LRRC49: variants seen among roughly 807,000 people sequenced by gnomAD.
The protein encoded by LRRC49 is leucine-rich repeat-containing protein 49.
Under a neutral mutation model 83.3 loss-of-function variants are expected in LRRC49, and 50 were observed. The ratio of observed to expected loss-of-function variants is 0.60; its 90% CI spans 0.48 to 0.76. The LOEUF (loss-of-function observed/expected upper bound fraction) is 0.76, where lower values mean the gene tolerates loss of function less well. Ranked by LOEUF, LRRC49 falls within the 30% of genes least tolerant of loss-of-function variation. LRRC49 has a pLI of 0.00. For missense variants in LRRC49, 704 were observed against 809.1 expected, an observed-to-expected ratio of 0.87 and a Z score of 1.58; for synonymous variants, 286 against 283.3, an observed-to-expected ratio of 1.01 and a Z score of -0.10.
intron 15 of LRRC49, among the ~76,000 whole-genome samples, chr15:71,043,201 A>T (rs1339764242): frequency 1.3e-5 from 2 of 152,178 alleles, no homozygotes; most frequent in Non-Finnish European, 2.9e-5. Context: ...ATCTCTATAG[A>T]CCTTGTTTCC....
At chr15:70,883,786 C>A (rs1225717578) in intron 2 of LRRC49, among the ~76,000 whole-genome samples, 1 of 151,878 alleles carries the variant, frequency 6.6e-6, no homozygotes, top group African/African-American at 2.4e-5. Context: ...TCCCAAGTAG[C>A]TGGGATTACA....
At chr15:70,889,069 T>C (rs911071863), upstream of LRRC49, among the ~76,000 whole-genome samples, 1 of 152,202 alleles carries the variant, frequency 6.6e-6, no homozygotes, top group Non-Finnish European at 1.5e-5. Flanking sequence ...TGTAATACTA[T>C]GACCCAGCAA....
chr15:70,876,232 T>C (rs2033148978), intron 2 of LRRC49, among the ~76,000 whole-genome samples: 1 of 152,242 alleles, frequency 6.6e-6, no homozygotes, highest in Non-Finnish European at 1.5e-5. Context: ...GAGAAACACA[T>C]CTGCTTTCCT....
At chr15:70,893,662 A>G (rs16954987) in intron 2 of LRRC49, 22 bp downstream of exon 2, 1 of 1,584,370 alleles carries the variant, frequency 6.3e-7, no homozygotes, top group African/African-American at 1.3e-5. Context: ...GAAGGTTGGC[A>G]TTTAAATTGA....
chr15:71,004,210 C>T (rs2038371072), intron 11 of LRRC49, among the ~76,000 whole-genome samples: 1 of 152,112 alleles, frequency 6.6e-6, no homozygotes, highest in African/African-American at 2.4e-5. Context: ...AATGTTCCTG[C>T]CCTGTATTTT....
At chr15:70,889,578 T>C (rs1477814711), upstream of LRRC49, among the ~76,000 whole-genome samples, 1 of 152,144 alleles carries the variant, frequency 6.6e-6, no homozygotes, top group Non-Finnish European at 1.5e-5. Flanking sequence ...ATTTAAAAAA[T>C]TCAGTTGGGT....
At chr15:70,861,388 C>T (rs2032784385) in intron 1 of LRRC49, among the ~76,000 whole-genome samples, 3 of 151,794 alleles carry the variant, frequency 2.0e-5, no homozygotes, top group Non-Finnish European at 4.4e-5. Context: ...AGCATAGGAG[C>T]TCGTGTTCTA....
chr15:70,984,471 A>G, intron 11 of LRRC49: 2 of 417,248 alleles, frequency 4.8e-6, no homozygotes, highest in East Asian at 4.1e-5. Context: ...TATTTTTTAT[A>G]GGGAAAAGTC....
intron 14 of LRRC49, among the ~76,000 whole-genome samples, chr15:71,023,322 T>C (rs2039051582): frequency 6.6e-6 from 1 of 152,178 alleles, no homozygotes; most frequent in African/African-American, 2.4e-5. Flanking sequence ...AAGCTGATTA[T>C]GTGAAAAGAC....
chr15:71,019,386 A>G (rs1035025291), intron 14 of LRRC49, among the ~76,000 whole-genome samples: 1 of 152,218 alleles, frequency 6.6e-6, no homozygotes, highest in Admixed American at 6.5e-5. Flanking sequence ...TTGCCAGGAA[A>G]TGGGAATGGA....
At chr15:70,902,186 G>A (rs2034113794) in intron 4 of LRRC49, among the ~76,000 whole-genome samples, 1 of 151,976 alleles carries the variant, frequency 6.6e-6, no homozygotes, top group Non-Finnish European at 1.5e-5. Context: ...GGATTTTTTT[G>A]GTAACTTTTC....
intron 11 of LRRC49, among the ~76,000 whole-genome samples, chr15:70,992,486 G>T (rs2037920185): frequency 1.3e-5 from 2 of 152,172 alleles, no homozygotes; most frequent in South Asian, 4.1e-4. Context: ...ATGGGGTTTT[G>T]GTGTGGATGT....
intron 2 of LRRC49, among the ~76,000 whole-genome samples, chr15:70,887,381 C>T (rs2033438590): frequency 6.6e-6 from 1 of 152,036 alleles, no homozygotes; most frequent in Non-Finnish European, 1.5e-5. Flanking sequence ...TTTATTTTAG[C>T]TAATATTTTA....
At chr15:70,891,618 T>TGTGTGTGTGTGTGA (rs930540936), upstream of LRRC49, among the ~76,000 whole-genome samples, 2 of 127,654 alleles carry the variant, frequency 1.6e-5, no homozygotes, top group African/African-American at 3.1e-5. Flanking sequence ...TGTGTGTGTG[T>TGTGTGTGTGTGTGA]GAGTTTTGGG....
rs1354431575 is a variant in LRRC49 at position 70,985,898 on chromosome 15, A to C, written c.1169+1641A>C. ...TTATTAAATAGGGAATCCTTTCCCC[A>C]TTGCTTGTTTTTCTCAGGTTTGTCA... On this transcript the variant is annotated intron_variant, in intron 11 of 15. Coordinates refer to ENST00000260382, the MANE Select transcript of LRRC49 (RefSeq NM_017691.5). 2.8e-5 allele frequency among the ~76,000 whole-genome samples: 4 copies of C among 143,854 alleles called. No homozygotes were observed. The East Asian group carries it at 8.1e-4, about 29-fold the overall frequency. The allele number at this position is 143,854 out of a possible 152,430, so 94.4% of individuals were successfully genotyped here.
chr15:70,983,111 C>G (rs567065904), intron 10 of LRRC49, among the ~76,000 whole-genome samples: 4 of 152,160 alleles, frequency 2.6e-5, no homozygotes, highest in Admixed American at 2.6e-4. Context: ...GCATTCTGAT[C>G]TAATTGACAA....
At chr15:70,942,033 ATGTGTG>A (rs34818331) in intron 8 of LRRC49, among the ~76,000 whole-genome samples, 40,775 of 143,842 alleles carry the variant, frequency 0.28, 6,559 homozygotes, top group Admixed American at 0.38. Context: ...TGTAAAGGTT[ATGTGTG>A]TGTGTGTGTG....
chr15:70,907,107 A>G (rs1315628637), intron 5 of LRRC49, among the ~76,000 whole-genome samples: 1 of 152,234 alleles, frequency 6.6e-6, no homozygotes, highest in African/African-American at 2.4e-5. Context: ...GTCCTGGGTT[A>G]GTACTTTGTG....
At chr15:70,872,981 G>A (rs2033082190) in exon 2 of LRRC49, 1 of 538,272 alleles carries the variant, frequency 1.9e-6, no homozygotes, top group Admixed American at 3.0e-5. Context: ...CACCTCCCAG[G>A]TTCAAGCAAT....
Sources: allele counts gnomAD v4.1 joint callset (sites outside exome capture counted in the v4.1 genomes callset), GRCh38; gene constraint gnomAD v4.1.1; transcripts MANE v1.5; gene names NCBI Gene and HGNC (gene_info 2026-07-23, HGNC 2026-07-21).